C2CD2: variants seen among roughly 807,000 people sequenced by gnomAD.
C2CD2 encodes C2 domain-containing protein 2.
C2CD2 carries 43 observed loss-of-function variants against 74.3 expected under a neutral mutation model. That is an observed-to-expected ratio of 0.58 (90% CI 0.45 to 0.75). The LOEUF (loss-of-function observed/expected upper bound fraction) is 0.75, where lower values mean the gene tolerates loss of function less well. Ranked by LOEUF, C2CD2 falls within the 30% of genes least tolerant of loss-of-function variation. C2CD2 has a pLI of 0.00. For synonymous variants in C2CD2, 422 were observed against 390.7 expected (o/e 1.08, Z -0.94); for missense variants, 801 against 916.3 (o/e 0.87, Z 1.63).
In C2CD2 at chr21:41,887,609, A is replaced by C. The variant is rs1196249674; in HGVS notation, c.*1515T>G. 1 of 152,038 alleles carries C rather than the reference A, an allele frequency of 6.6e-6. No individual in the cohort carries two copies. Among genetic ancestry groups the C allele is most frequent in the Non-Finnish European group, 1.5e-5 (1 of 68,018 alleles). 9.4% of individuals were successfully genotyped at this position (152,038 alleles called of 1,614,324 possible). On this transcript the variant is annotated 3_prime_UTR_variant, in exon 14 of 14. Transcript: ENST00000380486. ...TTTTACTAAAAAAGAAAAAAATCCT[A>C]TAATTTTGGTTTTGATACCGGTTTT...
chr21:41,912,744 C>T (rs1276614184), intron 6 of C2CD2, among the ~76,000 whole-genome samples: 2 of 152,194 alleles, frequency 1.3e-5, no homozygotes, highest in Admixed American at 1.3e-4. Flanking sequence ...CCGCCTCGGC[C>T]TCCCAAAGTG....
rs143506748 is a variant in C2CD2, at chr21:41,905,412, G to A, written c.1432+312C>T. 2.6e-3 allele frequency among the ~76,000 whole-genome samples: 395 copies of A among 149,846 alleles called. 1 individual carries two copies. Among genetic ancestry groups the A allele is most frequent in the African/African-American group, 9.3e-3 (373 of 40,044 alleles). ...GGCTCACTGCAACCTCTGCCTCCCA[G>A]GTTCAAGCGATTCTCCTGCCTAAGC... On this transcript the variant is annotated intron_variant, in intron 11 of 13. Coordinates refer to ENST00000380486, the MANE Select transcript of C2CD2 (RefSeq NM_015500.2).
chr21:41,913,933 T>G (rs1407025458), intron 6 of C2CD2, among the ~76,000 whole-genome samples: 1 of 152,026 alleles, frequency 6.6e-6, no homozygotes, highest in African/African-American at 2.4e-5. Flanking sequence ...GCCCATCAAC[T>G]CCCTACATCC....
intron 2 of C2CD2, among the ~76,000 whole-genome samples, chr21:41,925,148 C>T (rs1182989635): frequency 6.6e-6 from 1 of 152,110 alleles, no homozygotes; most frequent in Non-Finnish European, 1.5e-5. Context: ...CAGACCAAGC[C>T]TTTCTTAGCC....
chr21:41,890,479 A>G lies in C2CD2; in HGVS notation c.1871-1135T>C, dbSNP rs542959416. 4.6e-5 allele frequency among the ~76,000 whole-genome samples: 7 copies of G among 152,248 alleles called. No individual in the cohort carries two copies. In the South Asian group the frequency reaches 1.0e-3, roughly 23 times the overall value. On this transcript the variant is annotated intron_variant, in intron 13 of 13. Transcript: ENST00000380486. ...AGAGCCCACTAATTTGCTTTTTCAC[A>G]GATTAGTTTAACATCCTATTAACCA...
At position 41,923,810 on chromosome 21, in the gene C2CD2, ACC is replaced by A. The variant is rs1347388391; in HGVS notation, c.379-1727_379-1726del. Among the ~76,000 whole-genome samples, 3 of 151,930 alleles carry A rather than the reference ACC, an allele frequency of 2.0e-5. No individual in the cohort carries two copies. Among genetic ancestry groups the A allele is most frequent in the Admixed American group, 6.6e-5 (1 of 15,250 alleles). On this transcript the variant is annotated intron_variant, in intron 2 of 13. Transcript: ENST00000380486. The surrounding 1 kb of genome is among the most constrained non-coding windows in gnomAD (Gnocchi z 5.8). ...AAGCTGATGTAGAATGAGAGGTCAG[ACC>A]CCTCCCCGCTCCCCTCCCGGGGGCA...
chr21:41,899,890 G>T lies in C2CD2; in HGVS notation c.1561-528C>A, dbSNP rs1407589272. Among the ~76,000 whole-genome samples the T allele has an allele frequency of 6.7e-6, 1 of 150,200 alleles. No homozygotes were observed. The highest frequency in any genetic ancestry group is 1.5e-5 in the Non-Finnish European group (1 of 67,670). On this transcript the variant is annotated intron_variant, in intron 12 of 13. Coordinates refer to ENST00000380486, the MANE Select transcript of C2CD2 (RefSeq NM_015500.2). This position sits in a 1 kb window ranked among gnomAD's most constrained non-coding sequence, Gnocchi z 4.4. ...CGGGATAGCGCTTCCTTGGAGGGGGGAAAGTTTGGGGAGGAGGGCACGGGG... is the reference window on the plus strand; with the variant it reads ...CGGGATAGCGCTTCCTTGGAGGGGGTAAAGTTTGGGGAGGAGGGCACGGGG...
rs1383527201 is a variant in C2CD2, at chr21:41,926,126, G to A, written c.379-4041C>T. ...GACAGGAGTGAACCCCCAGCCCCAG[G>A]GAAGAACTCCACAGAGCCCAGGTCT... On this transcript the variant is annotated intron_variant, in intron 2 of 13. Transcript: ENST00000380486. The surrounding 1 kb of genome is among the most constrained non-coding windows in gnomAD (Gnocchi z 8.0). 4.6e-5 allele frequency among the ~76,000 whole-genome samples: 7 copies of A among 152,326 alleles called. No individual in the cohort carries two copies. Among genetic ancestry groups the A allele is most frequent in the Middle Eastern group, 6.8e-3 (2 of 294 alleles).
Position 41,926,497 on chromosome 21 carries a change from T to A in C2CD2, c.379-4412A>T, listed in dbSNP as rs1344751833. The A allele has an allele frequency of 1.4e-6, 1 of 717,624 alleles. No homozygotes were observed. Among genetic ancestry groups the A allele is most frequent in the African/African-American group, 1.9e-5 (1 of 51,312 alleles). 44.5% of individuals were successfully genotyped at this position (717,624 alleles called of 1,614,324 possible). Reference sequence around the variant, plus strand: ...CAAGACTGAAGGCTGAAGAGCAGGCTGAGCGGGGAGGCCTTCATTCACCTT... The same window carrying A: ...CAAGACTGAAGGCTGAAGAGCAGGCAGAGCGGGGAGGCCTTCATTCACCTT... On this transcript the variant is annotated intron_variant, in intron 2 of 13. Coordinates refer to ENST00000380486, the MANE Select transcript of C2CD2 (RefSeq NM_015500.2). The surrounding 1 kb of genome is among the most constrained non-coding windows in gnomAD (Gnocchi z 8.0).
chr21:41,925,860 C>T (rs931750877), intron 2 of C2CD2, among the ~76,000 whole-genome samples: 4 of 152,136 alleles, frequency 2.6e-5, no homozygotes, highest in African/African-American at 9.7e-5. Flanking sequence ...CCTAAATACC[C>T]ACGAGTGGGT....
chr21:41,910,150 A>G (rs2065010543), intron 7 of C2CD2, among the ~76,000 whole-genome samples: 1 of 152,184 alleles, frequency 6.6e-6, no homozygotes, highest in African/African-American at 2.4e-5. Flanking sequence ...CTATTCTTTT[A>G]ACTGAAAATT....
Position 41,907,803 on chromosome 21 carries a change from G to A in C2CD2, c.1019-19C>T, listed in dbSNP as rs769712792. On this transcript the variant is annotated intron_variant, in intron 8 of 13. Transcript: ENST00000380486. ...AGCAGACCTGAAAAGATAGGAGACAGGCAAGGGGTGCCGCTGATGTTTCCC... is the reference window on the plus strand; with the variant it reads ...AGCAGACCTGAAAAGATAGGAGACAAGCAAGGGGTGCCGCTGATGTTTCCC... 2 of 1,613,724 alleles carry A rather than the reference G, an allele frequency of 1.2e-6. No homozygotes were observed. The highest frequency in any genetic ancestry group is 2.2e-5 in the East Asian group (1 of 44,892).
chr21:41,890,685 C>A (rs776826547), intron 13 of C2CD2, among the ~76,000 whole-genome samples: 1 of 152,190 alleles, frequency 6.6e-6, no homozygotes, highest in Non-Finnish European at 1.5e-5. Context: ...ATTTCAATAG[C>A]CACGACATAT....
intron 1 of C2CD2, among the ~76,000 whole-genome samples, chr21:41,947,454 G>A (rs1054866836): frequency 2.0e-5 from 3 of 152,054 alleles, no homozygotes; most frequent in African/African-American, 7.2e-5. Flanking sequence ...ACTGCGCCTG[G>A]CCTAATTTCT....
Position 41,923,326 on chromosome 21 carries a change from C to T in C2CD2, c.379-1241G>A, listed in dbSNP as rs2065176027. On this transcript the variant is annotated intron_variant, in intron 2 of 13. Transcript: ENST00000380486. The surrounding 1 kb of genome is among the most constrained non-coding windows in gnomAD (Gnocchi z 5.8). ...CTTTTTCTTTAAATATCATCTTGTT[C>T]TATTTCTCCACAATAGCTGATTTTT... 6.6e-6 allele frequency among the ~76,000 whole-genome samples: 1 copy of T among 152,188 alleles called. No homozygotes were observed. The highest frequency in any genetic ancestry group is 2.4e-5 in the African/African-American group (1 of 41,448).
At chr21:41,930,457 C>T (rs1006499737) in intron 2 of C2CD2, among the ~76,000 whole-genome samples, 3 of 150,268 alleles carry the variant, frequency 2.0e-5, no homozygotes, top group African/African-American at 7.3e-5. Flanking sequence ...TATCCTAGCA[C>T]TTTGGGAAGC....
At chr21:41,901,488 C>T (rs1022408866) in intron 12 of C2CD2, 134 bp downstream of exon 12, 2 of 908,246 alleles carry the variant, frequency 2.2e-6, no homozygotes, top group African/African-American at 3.3e-5. Context: ...GGGTGAGGAA[C>T]ATAATTTGAC....
Position 41,929,991 on chromosome 21 carries a change from A to G in C2CD2, c.379-7906T>C, listed in dbSNP as rs2065249000. Among the ~76,000 whole-genome samples, 1 of 152,218 alleles carries G rather than the reference A, an allele frequency of 6.6e-6. No individual in the cohort carries two copies. The highest frequency in any genetic ancestry group is 2.1e-4 in the South Asian group (1 of 4,832). Reference sequence around the variant, plus strand: ...AGGCACTTTCAAAAGGGGGCTTGGCATGAATGTCATGAAAGGGAGGAAGCG... The same window carrying G: ...AGGCACTTTCAAAAGGGGGCTTGGCGTGAATGTCATGAAAGGGAGGAAGCG... On this transcript the variant is annotated intron_variant, in intron 2 of 13. Coordinates refer to ENST00000380486, the MANE Select transcript of C2CD2 (RefSeq NM_015500.2). The surrounding 1 kb of genome is among the most constrained non-coding windows in gnomAD (Gnocchi z 4.6).
chr21:41,940,668 G>T (rs2065347060), intron 2 of C2CD2, among the ~76,000 whole-genome samples: 1 of 152,244 alleles, frequency 6.6e-6, no homozygotes, highest in African/African-American at 2.4e-5. Flanking sequence ...AGGAATGGAG[G>T]ATGGAACTTC....
Sources: allele counts gnomAD v4.1 joint callset (sites outside exome capture counted in the v4.1 genomes callset), GRCh38; gene constraint gnomAD v4.1.1; non-coding constraint Gnocchi (gnomAD v3.1); transcripts MANE v1.5; gene names NCBI Gene and HGNC (gene_info 2026-07-23, HGNC 2026-07-21).